The following RAMP1 variants were observed in gnomAD, a reference collection of about 807,000 sequenced individuals.
RAMP1 encodes the protein receptor activity-modifying protein 1.
Under a neutral mutation model 8.2 loss-of-function variants are expected in RAMP1, and 7 were observed. That is an observed-to-expected ratio of 0.85 (90% CI 0.49 to 1.60). The LOEUF (loss-of-function observed/expected upper bound fraction) is 1.60. Ranked by LOEUF, RAMP1 falls within the 40% of genes most tolerant of loss-of-function variation. The probability of loss-of-function intolerance (pLI) is 0.00; values close to 1 mark genes in which losing one functional copy is unlikely to be tolerated. For synonymous variants in RAMP1, 92 were observed against 84.7 expected, an observed-to-expected ratio of 1.09 and a Z score of -0.47; for missense variants, 192 against 202.4, an observed-to-expected ratio of 0.95 and a Z score of 0.31.
chr2:237,887,938 A>G (rs2062449768), intron 2 of RAMP1, among the ~76,000 whole-genome samples: 1 of 152,136 alleles, frequency 6.6e-6, no homozygotes. Flanking sequence ...CACTATAAGA[A>G]CTTGTGTACA....
At chr2:237,867,364 C>T (rs1237629408) in intron 1 of RAMP1, among the ~76,000 whole-genome samples, 2 of 151,740 alleles carry the variant, frequency 1.3e-5, no homozygotes, top group African/African-American at 2.4e-5. Flanking sequence ...GTGGCGGCAG[C>T]GGCAGAAGAA....
chr2:237,864,093 G>A (rs929193529), intron 1 of RAMP1, among the ~76,000 whole-genome samples: 3 of 152,126 alleles, frequency 2.0e-5, no homozygotes, highest in Non-Finnish European at 4.4e-5. Context: ...AGCAGCTCCT[G>A]AATTAGCTGA....
chr2:237,881,490 G>A (rs2062367101), intron 2 of RAMP1, among the ~76,000 whole-genome samples: 1 of 152,332 alleles, frequency 6.6e-6, no homozygotes, highest in Non-Finnish European at 1.5e-5. Context: ...AATGTGTTAG[G>A]TTTTGCAACG....
At chr2:237,893,971 T>TTTC (rs1376058061) in intron 2 of RAMP1, among the ~76,000 whole-genome samples, 4 of 19,116 alleles carry the variant, frequency 2.1e-4, no homozygotes, top group African/African-American at 6.2e-4. Flanking sequence ...AAATACTTTC[T>TTTC]TTTTTTTTTT....
chr2:237,871,905 C>T (rs2062249506), intron 1 of RAMP1, among the ~76,000 whole-genome samples: 1 of 152,140 alleles, frequency 6.6e-6, no homozygotes, highest in African/African-American at 2.4e-5. Flanking sequence ...GATGGTTGTA[C>T]ACCTTAGTGA....
intron 2 of RAMP1, among the ~76,000 whole-genome samples, chr2:237,880,611 T>C (rs1274704687): frequency 2.6e-5 from 4 of 152,172 alleles, no homozygotes; most frequent in Non-Finnish European, 4.4e-5. Flanking sequence ...CGAGAAAGGC[T>C]GGGTAAAACA....
intron 1 of RAMP1, among the ~76,000 whole-genome samples, chr2:237,861,189 A>G (rs2062129920): frequency 6.6e-6 from 1 of 152,208 alleles, no homozygotes; most frequent in Admixed American, 6.5e-5. Flanking sequence ...CTATGTCACG[A>G]TCACATATAA....
rs1559940486 is a variant in RAMP1 at position 237,877,454 on chromosome 2, A to T, written c.191+92A>T. On this transcript the variant is annotated intron_variant, in intron 2 of 2. Transcript: ENST00000254661. The surrounding 1 kb of genome is among the most constrained non-coding windows in gnomAD (Gnocchi z 4.4). ...GTGGACCACGTGGGAGCTGTGGAAG[A>T]TCCTTTCTAGACCCCGGAAGGGTTC... 2.7e-6 allele frequency: 4 copies of T among 1,505,338 alleles called. No individual in the cohort carries two copies. The highest frequency in any genetic ancestry group is 1.4e-5 in the African/African-American group (1 of 72,230). 93.2% of individuals were successfully genotyped at this position (1,505,338 alleles called of 1,614,324 possible). A position where few individuals can be genotyped will look rare whatever the true frequency, so the allele number is the denominator to read the frequency against.
intron 1 of RAMP1, among the ~76,000 whole-genome samples, chr2:237,870,259 G>T (rs937824586): frequency 6.6e-6 from 1 of 152,218 alleles, no homozygotes; most frequent in African/African-American, 2.4e-5. Context: ...CCCAGGGCCT[G>T]CCCCGAGGGC....
intron 1 of RAMP1, among the ~76,000 whole-genome samples, chr2:237,860,721 A>T (rs1242685353): frequency 6.6e-6 from 1 of 152,196 alleles, no homozygotes; most frequent in Non-Finnish European, 1.5e-5. Context: ...TGTTGGTCAG[A>T]GGCACCTGCC....
chr2:237,875,801 C>A lies in RAMP1; in HGVS notation c.53-1423C>A, dbSNP rs577489693. Among the ~76,000 whole-genome samples the A allele has an allele frequency of 1.7e-3, 261 of 152,258 alleles. 1 individual carries two copies. The highest frequency in any genetic ancestry group is 3.4e-3 in the Middle Eastern group (1 of 294). On this transcript the variant is annotated intron_variant, in intron 1 of 2. Transcript: ENST00000254661. ...GGATCCGTTCACCCTGACACACCAG[C>A]CATTGGGCCTGGAGTGGTGCTCTGC...
At chr2:237,907,892 T>C (rs1452930144) in intron 2 of RAMP1, among the ~76,000 whole-genome samples, 1 of 152,246 alleles carries the variant, frequency 6.6e-6, no homozygotes, top group Non-Finnish European at 1.5e-5. Flanking sequence ...TGAACATTCA[T>C]GTATAGAACA....
chr2:237,873,930 G>A (rs2062272263), intron 1 of RAMP1, among the ~76,000 whole-genome samples: 1 of 152,218 alleles, frequency 6.6e-6, no homozygotes, highest in African/African-American at 2.4e-5. Context: ...GTGGGACTCT[G>A]GGCTCCCATA....
chr2:237,899,428 T>C (rs1237571230), intron 2 of RAMP1, among the ~76,000 whole-genome samples: 1 of 152,266 alleles, frequency 6.6e-6, no homozygotes, highest in African/African-American at 2.4e-5. Context: ...TTCAAGGTTG[T>C]GGCTTTTTTA....
intron 1 of RAMP1, among the ~76,000 whole-genome samples, chr2:237,875,425 A>C (rs3820800): frequency 6.7e-6 from 1 of 150,042 alleles, no homozygotes; most frequent in Non-Finnish European, 1.5e-5. Context: ...GCCTTCCCAG[A>C]GGCAGATGCA....
intron 2 of RAMP1, among the ~76,000 whole-genome samples, chr2:237,902,209 C>T (rs2062606187): frequency 6.6e-6 from 1 of 151,750 alleles, no homozygotes; most frequent in Admixed American, 6.6e-5. Flanking sequence ...TGCCCCACTG[C>T]CACCCGGAGC....
chr2:237,910,930 C>A (rs1239576564), intron 2 of RAMP1, among the ~76,000 whole-genome samples: 1 of 151,120 alleles, frequency 6.6e-6, no homozygotes, highest in Non-Finnish European at 1.5e-5. Context: ...CAGAGTCACA[C>A]ACAGAATAAC....
chr2:237,886,452 CT>C (rs1174079889), intron 2 of RAMP1, among the ~76,000 whole-genome samples: 1 of 152,128 alleles, frequency 6.6e-6, no homozygotes, highest in East Asian at 1.9e-4. Flanking sequence ...GGCTGGGGGG[CT>C]CTGGAATGGG....
At chr2:237,887,394 G>A (rs1297282639) in intron 2 of RAMP1, among the ~76,000 whole-genome samples, 6 of 151,628 alleles carry the variant, frequency 4.0e-5, no homozygotes, top group South Asian at 2.1e-4. Flanking sequence ...CGAGGACACC[G>A]AGTATCTTGC....
Sources: gnomAD v4.1 joint callset for allele counts (sites outside exome capture counted in the v4.1 genomes callset) on GRCh38, gnomAD v4.1.1 for gene constraint, Gnocchi (gnomAD v3.1) non-coding constraint, MANE v1.5 for transcripts, NCBI Gene and HGNC (gene_info 2026-07-23, HGNC 2026-07-21) for gene names.